The following TBC1D8 variants were observed in gnomAD, a reference collection of about 807,000 sequenced individuals.
TBC1D8 encodes BUB2-like protein 1.
Under a neutral mutation model 118.8 loss-of-function variants are expected in TBC1D8, and 65 were observed. The ratio of observed to expected loss-of-function variants is 0.55; its 90% confidence interval spans 0.45 to 0.67. The LOEUF (loss-of-function observed/expected upper bound fraction) is 0.67, where lower values mean the gene tolerates loss of function less well. Among genes scored for constraint, TBC1D8 ranks in the 30% least tolerant of loss-of-function variants. The pLI is 0.00. For synonymous variants in TBC1D8, 566 were observed against 595.8 expected, an observed-to-expected ratio of 0.95 and a Z score of 0.73; for missense variants, 1,376 against 1,471.2, an observed-to-expected ratio of 0.94 and a Z score of 1.06.
intron 11 of TBC1D8, among the ~76,000 whole-genome samples, chr2:101,030,332 GGTAACAACCAACCTTT>G (rs1680595481): frequency 2.6e-5 from 4 of 152,102 alleles, no homozygotes; most frequent in African/African-American, 7.2e-5. Context: ...TTAGTAAGAA[GGTAACAACCAACCTTT>G]TTTAAAGAGG....
chr2:101,028,686 A>C, intron 12 of TBC1D8: 2 of 416,616 alleles, frequency 4.8e-6, no homozygotes, highest in East Asian at 3.6e-5. Context: ...CTGCGCATAC[A>C]TGCAAGGTTA....
In TBC1D8 at chr2:101,027,383, C is replaced by A. The variant is rs752292665; in HGVS notation, c.2520G>T (p.Lys840Asn). ...CCCTCATCTTCCCAGAGCTGCGTACCTTGAATAAGTCGTAGAGCTCCTCTA... is the reference window on the plus strand; with the variant it reads ...CCCTCATCTTCCCAGAGCTGCGTACATTGAATAAGTCGTAGAGCTCCTCTA... ...EDLEELYDLF[K>N]REHMMSCYWE... The change falls in exon 15 of 20, where the codon AAG (lysine) becomes AAT (asparagine). Residue 840 changes from lysine (K) to asparagine (N), a missense_variant and splice_region_variant. Physicochemically the swap from Lys to Asn is moderately conservative, Grantham distance 94. Coordinates refer to ENST00000409318, the MANE Select transcript of TBC1D8 (RefSeq NM_001330348.2). 6.2e-7 allele frequency: 1 copy of A among 1,612,876 alleles called. No individual in the cohort carries two copies. The highest frequency in any genetic ancestry group is 1.1e-5 in the South Asian group (1 of 91,022).
chr2:101,032,459 C>T, intron 10 of TBC1D8, 74 bp from the exon 11 acceptor site: 1 of 1,258,730 alleles, frequency 7.9e-7, no homozygotes, highest in Non-Finnish European at 1.1e-6. Context: ...GCATCCAAGC[C>T]CAAACAACCC....
In TBC1D8 at chr2:101,019,182, C is replaced by T. The variant is rs1254765234; in HGVS notation, c.2827+2499G>A. ...GGCAGAGGGCCAGGCCTGTTCTACA[C>T]GGCCGGGGTTTCAACAAGGTACTGA... On this transcript the variant is annotated intron_variant, in intron 17 of 19. Transcript: ENST00000409318. 2.1e-5 allele frequency: 24 copies of T among 1,126,594 alleles called. No homozygotes were observed. In the East Asian group the frequency reaches 4.2e-4, roughly 20 times the overall value. The allele number at this position is 1,126,594 out of a possible 1,614,324, so 69.8% of individuals were successfully genotyped here.
intron 1 of TBC1D8, among the ~76,000 whole-genome samples, chr2:101,145,282 C>T (rs6749166): frequency 0.36 from 55,311 of 152,044 alleles, 10,354 homozygotes; most frequent in African/African-American, 0.43. Flanking sequence ...ATTATCAGCC[C>T]CTAAAGATAT....
At chr2:101,055,940 C>T (rs1682395322) in intron 3 of TBC1D8, among the ~76,000 whole-genome samples, 1 of 151,982 alleles carries the variant, frequency 6.6e-6, no homozygotes, top group Non-Finnish European at 1.5e-5. Flanking sequence ...CAACTGTGAA[C>T]AGCCACTGCA....
intron 1 of TBC1D8, among the ~76,000 whole-genome samples, chr2:101,116,786 C>T (rs965482306): frequency 2.0e-5 from 3 of 151,696 alleles, no homozygotes; most frequent in East Asian, 1.9e-4. Flanking sequence ...AGATTACAGG[C>T]GCACACCACC....
At chr2:101,124,791 GA>G (rs990459821) in intron 1 of TBC1D8, among the ~76,000 whole-genome samples, 2 of 152,128 alleles carry the variant, frequency 1.3e-5, no homozygotes, top group Non-Finnish European at 2.9e-5. Context: ...GGAAGCTGTG[GA>G]AAAAATACTA....
chr2:101,028,151 A>G lies in TBC1D8; in HGVS notation c.2353-5T>C. 3 of 1,613,796 alleles carry G rather than the reference A, an allele frequency of 1.9e-6. No homozygotes were observed. Among genetic ancestry groups the G allele is most frequent in the Non-Finnish European group, 2.5e-6 (3 of 1,179,852 alleles). The stretch of plus-strand genomic sequence containing the variant: ...CACAGACTGGTCTCCAAATTTCTGC[A>G]GGGAAAAAAGGGACCACTTGCTCAG... On this transcript the variant is annotated splice_region_variant and splice_polypyrimidine_tract_variant and intron_variant, in intron 13 of 19. Transcript: ENST00000409318.
rs769854731 is a variant in TBC1D8 at position 101,029,576 on chromosome 2, G to A, written c.2137C>T (p.Gln713Ter). 1.9e-6 allele frequency: 3 copies of A among 1,613,964 alleles called. No homozygotes were observed. Among genetic ancestry groups the A allele is most frequent in the Non-Finnish European group, 1.7e-6 (2 of 1,179,888 alleles). ...GCCTCAAGCACAGCCAGTCCCAGCT[G>A]GAAGATGGCTTTGATGCCATCATAG... is the stretch of plus-strand genomic sequence containing the variant. ...FFYDGIKAIF[Q>*]LGLAVLEANA... Residue 713 changes from glutamine (Q) to a stop codon, truncating the protein, a stop_gained, in exon 12 of 20, where the codon CAG becomes TAG. Transcript: ENST00000409318. LOFTEE classifies it high-confidence loss of function.
chr2:101,102,542 A>G (rs1676916307), intron 1 of TBC1D8, among the ~76,000 whole-genome samples: 1 of 152,092 alleles, frequency 6.6e-6, no homozygotes. Context: ...AAAACCAAAA[A>G]AAAAACAACA....
intron 2 of TBC1D8, among the ~76,000 whole-genome samples, chr2:101,069,467 T>G (rs150648478): frequency 0.11 from 16,612 of 152,076 alleles, 1,171 homozygotes; most frequent in Non-Finnish European, 0.16. Flanking sequence ...TTGCCTGTAA[T>G]CCCAGCTACT....
intron 17 of TBC1D8, chr2:101,018,203 CACTG>C (rs1420799721): frequency 6.1e-6 from 2 of 326,806 alleles, no homozygotes; most frequent in Non-Finnish European, 5.6e-6. Flanking sequence ...CAAATTATAA[CACTG>C]ACTAAACATC....
At chr2:101,139,072 A>G (rs1678982955) in intron 1 of TBC1D8, among the ~76,000 whole-genome samples, 1 of 152,184 alleles carries the variant, frequency 6.6e-6, no homozygotes. Flanking sequence ...GTAGTCAGAG[A>G]CAGATTCTTC....
intron 19 of TBC1D8, among the ~76,000 whole-genome samples, chr2:101,009,232 G>A (rs1303603574): frequency 6.6e-6 from 1 of 152,026 alleles, no homozygotes; most frequent in African/African-American, 2.4e-5. Context: ...GTGAAACCCT[G>A]TCTCTATTAA....
intron 12 of TBC1D8, among the ~76,000 whole-genome samples, chr2:101,029,217 T>C (rs557714034): frequency 6.6e-6 from 1 of 152,232 alleles, no homozygotes; most frequent in South Asian, 2.1e-4. Flanking sequence ...GGTGAAACCC[T>C]GTCTCTACTA....
In TBC1D8 at chr2:101,033,536, C is replaced by T; in HGVS notation, c.1818+8G>A. The T allele has an allele frequency of 6.2e-7, 1 of 1,613,888 alleles. No homozygotes were observed. Among genetic ancestry groups the T allele is most frequent in the East Asian group, 2.2e-5 (1 of 44,870 alleles). ...GACTCTCTGCGCCCCAGAGCACACC[C>T]CTTTCACCTGGCAGTATCCAATCTT... is the stretch of plus-strand genomic sequence containing the variant. On this transcript the variant is annotated splice_region_variant and intron_variant, in intron 10 of 19. Transcript: ENST00000409318.
intron 2 of TBC1D8, among the ~76,000 whole-genome samples, chr2:101,077,700 A>G (rs1201830000): frequency 6.6e-6 from 1 of 152,184 alleles, no homozygotes; most frequent in Non-Finnish European, 1.5e-5. Context: ...AACACTGGAC[A>G]TTACATTTCA....
intron 17 of TBC1D8, among the ~76,000 whole-genome samples, chr2:101,015,099 C>T (rs534697907): frequency 1.3e-5 from 2 of 152,204 alleles, no homozygotes; most frequent in South Asian, 4.1e-4. Flanking sequence ...CTACACACCT[C>T]GCCTATAAAG....
Sources: gnomAD v4.1 joint callset for allele counts (sites outside exome capture counted in the v4.1 genomes callset) on GRCh38, gnomAD v4.1.1 for gene constraint, MANE v1.5 for transcripts, NCBI Gene and HGNC (gene_info 2026-07-23, HGNC 2026-07-21) for gene names.